LOC112694756: variants seen among roughly 807,000 people sequenced by gnomAD.
At chr16:30,058,472 CTTCTTTTTTTTTTCTTTT>C in the LOC112694756 span, among the ~76,000 whole-genome samples, 2 of 151,732 alleles carry the variant, frequency 1.3e-5, no homozygotes, top group Non-Finnish European at 2.9e-5. Flanking sequence ...GCCTGCTCTG[CTTCTTTTTTTTTTCTTTT>C]TTCTTTTTTT....
At chr16:30,069,316 T>C in the LOC112694756 span, 1 of 1,614,056 alleles carries the variant, frequency 6.2e-7, no homozygotes, top group African/African-American at 1.3e-5. Flanking sequence ...AATGGCATTG[T>C]GCCCATCGTG....
At chr16:30,066,536 A>G in the LOC112694756 span, among the ~76,000 whole-genome samples, 1 of 152,196 alleles carries the variant, frequency 6.6e-6, no homozygotes, top group African/African-American at 2.4e-5. Flanking sequence ...GCCTCGGGCT[A>G]GGGCTTGTTC....
the LOC112694756 span, among the ~76,000 whole-genome samples, chr16:30,057,576 A>G: frequency 4.6e-5 from 7 of 152,148 alleles, no homozygotes; most frequent in Non-Finnish European, 7.4e-5. Context: ...ATGGAAGGGG[A>G]GGATAAAAGC....
chr16:30,063,306 G>A, the LOC112694756 span, among the ~76,000 whole-genome samples: 4 of 152,046 alleles, frequency 2.6e-5, no homozygotes, highest in African/African-American at 7.3e-5. Flanking sequence ...AGTCCATAAA[G>A]CCCACAAGTC....
the LOC112694756 span, among the ~76,000 whole-genome samples, chr16:30,053,668 C>G: frequency 6.6e-6 from 1 of 152,190 alleles, no homozygotes; most frequent in African/African-American, 2.4e-5. Context: ...GGACTTCCCA[C>G]GGGAGGGCAC....
chr16:30,063,560 T>C, the LOC112694756 span, among the ~76,000 whole-genome samples: 20 of 152,174 alleles, frequency 1.3e-4, no homozygotes, highest in Non-Finnish European at 2.6e-4. Flanking sequence ...GACTCACTGC[T>C]GATTTTTCAA....
chr16:30,065,077 G>T, the LOC112694756 span, among the ~76,000 whole-genome samples: 4 of 152,248 alleles, frequency 2.6e-5, 1 homozygote, highest in Non-Finnish European at 5.9e-5. Context: ...GGCTGCGGCG[G>T]CCCGGCGGAG....
At chr16:30,070,320 C>G in the LOC112694756 span, 1 of 1,034,538 alleles carries the variant, frequency 9.7e-7, no homozygotes, top group Non-Finnish European at 1.5e-6. Flanking sequence ...CGCGCTCTTT[C>G]TTCCCTCGTG....
chr16:30,064,316 CACCATCACCG>C, the LOC112694756 span: 1 of 398,418 alleles, frequency 2.5e-6, no homozygotes. Flanking sequence ...TCAGAACAGC[CACCATCACCG>C]CAGGGAGTCA....
At chr16:30,067,308 C>T in the LOC112694756 span, 1 of 1,613,210 alleles carries the variant, frequency 6.2e-7, no homozygotes, top group Non-Finnish European at 8.5e-7. Flanking sequence ...AGCTGTCTGA[C>T]ATCGCTCACC....
chr16:30,069,057 G>A, the LOC112694756 span: 9 of 1,594,298 alleles, frequency 5.6e-6, no homozygotes, highest in Non-Finnish European at 7.7e-6. Context: ...TACCTGCCAT[G>A]ATGCCTACCT....
the LOC112694756 span, chr16:30,070,038 A>T: frequency 3.7e-5 from 59 of 1,613,552 alleles, no homozygotes; most frequent in Non-Finnish European, 4.9e-5. Flanking sequence ...TGGTAAGGAT[A>T]GGCAGGAGGT....
the LOC112694756 span, chr16:30,069,939 C>T: frequency 1.9e-6 from 3 of 1,614,060 alleles, no homozygotes; most frequent in East Asian, 6.7e-5. Flanking sequence ...TCTCCTACGG[C>T]CGAGCCCTGC....
chr16:30,067,585 C>T, the LOC112694756 span: 1 of 1,614,090 alleles, frequency 6.2e-7, no homozygotes, highest in Non-Finnish European at 8.5e-7. Flanking sequence ...TTCCATGAGA[C>T]ACTCTACCAG....
chr16:30,062,907 C>T, the LOC112694756 span, among the ~76,000 whole-genome samples: 5 of 151,374 alleles, frequency 3.3e-5, no homozygotes, highest in South Asian at 6.2e-4. Context: ...CTTTGGGAGG[C>T]TGAGGCAGGT....
chr16:30,067,484 C>A, the LOC112694756 span: 2 of 1,613,316 alleles, frequency 1.2e-6, no homozygotes, highest in Non-Finnish European at 1.7e-6. Context: ...CCATTGGCAC[C>A]GAGAACACCG....
chr16:30,059,036 G>A, the LOC112694756 span: 1 of 398,566 alleles, frequency 2.5e-6, no homozygotes, highest in Admixed American at 4.4e-5. Flanking sequence ...GCTCAGCCCT[G>A]CATGCGATCA....
At chr16:30,070,095 C>T in the LOC112694756 span, 1 of 1,613,782 alleles carries the variant, frequency 6.2e-7, no homozygotes, top group Non-Finnish European at 8.5e-7. Flanking sequence ...GCCCTTCTCA[C>T]TCCACCCCTC....
chr16:30,055,802 CTTTTT>C, the LOC112694756 span, among the ~76,000 whole-genome samples: 1 of 151,102 alleles, frequency 6.6e-6, no homozygotes, highest in East Asian at 2.0e-4. Context: ...CTCTTCTTTT[CTTTTT>C]GTTGTTGTTT....
Sources: allele counts gnomAD v4.1 joint callset (sites outside exome capture counted in the v4.1 genomes callset), GRCh38; gene constraint gnomAD v4.1.1; transcripts MANE v1.5.